Variants in PIN4 observed in about 807,000 individuals in gnomAD.
PIN4 encodes the protein peptidyl-prolyl cis-trans isomerase NIMA-interacting 4.
Under a neutral mutation model 8.3 loss-of-function variants are expected in PIN4, and 3 were observed. That is an observed-to-expected ratio of 0.36 (90% CI 0.16 to 0.93). The LOEUF (loss-of-function observed/expected upper bound fraction) is 0.93. Among genes scored for constraint, PIN4 ranks in the 40% least tolerant of loss-of-function variants. The pLI is 0.44. For missense variants in PIN4, 75 were observed against 100.6 expected, an observed-to-expected ratio of 0.75 and a Z score of 1.09; for synonymous variants, 18 against 32.5, an observed-to-expected ratio of 0.55 and a Z score of 1.52.
chrX:72,193,731 C>T (rs1490069463), intron 2 of PIN4, among the ~76,000 whole-genome samples: 2 of 109,630 alleles, frequency 1.8e-5, no homozygotes, highest in Admixed American at 1.9e-4. Flanking sequence ...ATTAGCTTGG[C>T]GTGGTGACAC....
intron 2 of PIN4, among the ~76,000 whole-genome samples, chrX:72,195,490 AAGTT>A (rs749932553): frequency 1.8e-5 from 2 of 110,676 alleles, no homozygotes; most frequent in South Asian, 7.6e-4. Flanking sequence ...AAAATACAAA[AAGTT>A]AGCTGGGCGT....
At chrX:72,263,762 G>T (rs907069214) in exon 4 of PIN4, 1 of 111,654 alleles carries the variant, frequency 9.0e-6, no homozygotes, top group African/African-American at 3.3e-5. Flanking sequence ...GAGTGCCCAT[G>T]TGAGGGGTAC....
chrX:72,181,895 C>A, intron 1 of PIN4, 67 bp downstream of exon 1: 1 of 669,462 alleles, frequency 1.5e-6, no homozygotes, highest in Non-Finnish European at 2.4e-6. Context: ...AACAGACAGT[C>A]CATCTCCGGA....
downstream of PIN4, among the ~76,000 whole-genome samples, chrX:72,200,637 C>CA (rs777924958): frequency 8.9e-6 from 1 of 112,108 alleles, no homozygotes; most frequent in Admixed American, 9.5e-5. Context: ...GTATATCCCT[C>CA]AATAGAATAT....
At chrX:72,217,916 A>G (rs981745736) in intron 3 of PIN4, among the ~76,000 whole-genome samples, 2 of 111,532 alleles carry the variant, frequency 1.8e-5, no homozygotes, top group Non-Finnish European at 3.8e-5. Flanking sequence ...CTTTGTCGTA[A>G]GTTTTGAATT....
intron 3 of PIN4, among the ~76,000 whole-genome samples, chrX:72,210,065 G>A (rs190410514): frequency 9.2e-6 from 1 of 108,943 alleles, no homozygotes; most frequent in African/African-American, 3.3e-5. Context: ...CAACCAGAGG[G>A]GGGGAAGAGA....
intron 3 of PIN4, among the ~76,000 whole-genome samples, chrX:72,217,834 A>T (rs1229654642): frequency 8.9e-6 from 1 of 112,328 alleles, no homozygotes; most frequent in Non-Finnish European, 1.9e-5. Context: ...AGAACAGTGT[A>T]GAACTCTTGC....
chrX:72,233,189 C>T (rs998118494), intron 3 of PIN4, among the ~76,000 whole-genome samples: 5 of 111,600 alleles, frequency 4.5e-5, no homozygotes, highest in African/African-American at 1.6e-4. Flanking sequence ...AATATAGCTA[C>T]ACAGCCTTCC....
At chrX:72,194,098 T>C (rs2042750871) in intron 2 of PIN4, among the ~76,000 whole-genome samples, 1 of 111,877 alleles carries the variant, frequency 8.9e-6, no homozygotes, top group East Asian at 2.8e-4. Flanking sequence ...ATGTATAGTG[T>C]GTATAAAGTC....
At chrX:72,196,632 GGTT>G (rs1259690718) in intron 2 of PIN4, among the ~76,000 whole-genome samples, 150 bp from the exon 3 acceptor site, 5 of 110,861 alleles carry the variant, frequency 4.5e-5, no homozygotes, top group Non-Finnish European at 9.4e-5. Context: ...ATGGGATTGT[GGTT>G]GTTGTCCTGG....
At chrX:72,196,684 GT>G (rs1359395722) in intron 2 of PIN4, 100 bp from the exon 3 acceptor site, 1,607 of 627,235 alleles carry the variant, frequency 2.6e-3, no homozygotes, top group South Asian at 3.1e-3. Flanking sequence ...GAACTAATGT[GT>G]TTTTTTTTTA....
chrX:72,246,709 G>T (rs1174279935), intron 3 of PIN4, among the ~76,000 whole-genome samples: 2 of 111,444 alleles, frequency 1.8e-5, no homozygotes, highest in African/African-American at 6.5e-5. Flanking sequence ...TCCTCTGCCT[G>T]GACTCACCCT....
Position 72,251,201 on chromosome X carries a change from C to CA in PIN4, c.313-11494dup, listed in dbSNP as rs982488875. 6.3e-3 allele frequency among the ~76,000 whole-genome samples: 588 copies of CA among 92,720 alleles called. 7 individuals carry two copies. Among genetic ancestry groups the CA allele is most frequent in the African/African-American group, 0.021 (524 of 25,296 alleles). The allele number at this position is 92,720 out of a possible 115,157, so 80.5% of individuals were successfully genotyped here. The stretch of plus-strand genomic sequence containing the variant: ...TGAAACCCCGTCTCTACTAAAAATA[C>CA]AAAAAAAAAAAATTACCCGGGCGTG... On this transcript the variant is annotated intron_variant, in intron 3 of 3. Transcript: ENST00000423432.
chrX:72,189,440 G>C (rs2042720974), intron 2 of PIN4, among the ~76,000 whole-genome samples: 1 of 111,664 alleles, frequency 9.0e-6, no homozygotes, highest in Non-Finnish European at 1.9e-5. Context: ...AATGTTATAT[G>C]AATGGAATAA....
At chrX:72,187,537 T>C (rs1400546491) in intron 2 of PIN4, among the ~76,000 whole-genome samples, 1 of 111,564 alleles carries the variant, frequency 9.0e-6, no homozygotes, top group Non-Finnish European at 1.9e-5. Flanking sequence ...AATGGTTCAT[T>C]CCTGTAATCC....
chrX:72,253,003 T>C (rs7892316), intron 3 of PIN4, among the ~76,000 whole-genome samples: 17,905 of 110,561 alleles, frequency 0.16, 1,979 homozygotes, highest in East Asian at 0.47. Flanking sequence ...CAAGTCCCCC[T>C]CGACATCTGA....
At chrX:72,224,866 T>C (rs2042945636) in intron 3 of PIN4, among the ~76,000 whole-genome samples, 2 of 111,054 alleles carry the variant, frequency 1.8e-5, no homozygotes, top group Admixed American at 1.9e-4. Context: ...CACTAAAGGA[T>C]CCTAAGCGCT....
chrX:72,192,768 T>A (rs1049603679), intron 2 of PIN4, among the ~76,000 whole-genome samples: 2 of 110,226 alleles, frequency 1.8e-5, no homozygotes, highest in African/African-American at 6.7e-5. Flanking sequence ...TAATTTTTTT[T>A]AAAGTTTTTG....
intron 3 of PIN4, among the ~76,000 whole-genome samples, chrX:72,231,318 CG>C (rs1456946599): frequency 2.7e-5 from 3 of 111,294 alleles, no homozygotes; most frequent in African/African-American, 9.8e-5. Flanking sequence ...AAACCAGGCA[CG>C]GAGAGACAAA....
Sources: allele counts gnomAD v4.1 joint callset (sites outside exome capture counted in the v4.1 genomes callset), GRCh38; gene constraint gnomAD v4.1.1; transcripts MANE v1.5; gene names NCBI Gene and HGNC (gene_info 2026-07-23, HGNC 2026-07-21).